The following LRRC4C variants were observed in gnomAD, a reference collection of about 807,000 sequenced individuals.
LRRC4C encodes leucine-rich repeat-containing protein 4C.
A neutral mutation model predicts 33.6 loss-of-function variants in LRRC4C; 5 were observed. The ratio of observed to expected loss-of-function variants is 0.15; its 90% CI spans 0.08 to 0.31. LRRC4C has a LOEUF of 0.31. LRRC4C is among the 10% of genes least tolerant of loss of function. The probability of loss-of-function intolerance (pLI) is 1.00; values close to 1 mark genes in which losing one functional copy is unlikely to be tolerated. For synonymous variants in LRRC4C, 329 were observed against 302.0 expected, an observed-to-expected ratio of 1.09 and a Z score of -0.93; for missense variants, 560 against 796.7, an observed-to-expected ratio of 0.70 and a Z score of 3.58.
At chr11:41,089,851 A>C (rs185436260) in intron 1 of LRRC4C, among the ~76,000 whole-genome samples, 1 of 152,208 alleles carries the variant, frequency 6.6e-6, no homozygotes, top group Admixed American at 6.6e-5. Context: ...AGAAAAATAT[A>C]GATTTCTAAT....
chr11:41,101,158 C>A (rs1224273063), intron 1 of LRRC4C, among the ~76,000 whole-genome samples: 1 of 152,076 alleles, frequency 6.6e-6, no homozygotes, highest in East Asian at 1.9e-4. Flanking sequence ...CAAATAGGAT[C>A]TAATAAAACT....
intron 3 of LRRC4C, among the ~76,000 whole-genome samples, chr11:40,556,788 A>T (rs1301874305): frequency 6.6e-6 from 1 of 152,224 alleles, no homozygotes; most frequent in East Asian, 1.9e-4. Context: ...TACAAACTGC[A>T]AGAGATTAAA....
At chr11:41,321,553 T>C (rs760538375) in intron 1 of LRRC4C, among the ~76,000 whole-genome samples, 17 of 152,156 alleles carry the variant, frequency 1.1e-4, no homozygotes, top group Non-Finnish European at 2.1e-4. Context: ...GGGTATATAA[T>C]AATAATAATA....
chr11:40,403,960 A>T (rs1253956975), intron 3 of LRRC4C, among the ~76,000 whole-genome samples: 1 of 152,172 alleles, frequency 6.6e-6, no homozygotes, highest in African/African-American at 2.4e-5. Context: ...ATAATAGATT[A>T]TTTCAATAAT....
intron 2 of LRRC4C, among the ~76,000 whole-genome samples, chr11:40,721,775 C>CCTGTCTCTA (rs71461179): frequency 0.44 from 66,645 of 151,540 alleles, 15,489 homozygotes; most frequent in African/African-American, 0.56. Context: ...GTGGTGAAAC[C>CCTGTCTCTA]CTAAAAATAC....
chr11:40,327,141 T>C lies in LRRC4C; in HGVS notation c.-269-7420A>G, dbSNP rs1234303461. 2.6e-5 allele frequency among the ~76,000 whole-genome samples: 4 copies of C among 152,192 alleles called. No individual in the cohort carries two copies. The East Asian group carries it at 7.7e-4, about 29-fold the overall frequency. On this transcript the variant is annotated intron_variant, in intron 3 of 6. Transcript: ENST00000528697. ...ACGTTTGAGAGTTGAGGTGCATTCTTATCGCTAACTGGAGCCTCTCTCAAT... is the reference window on the plus strand; with the variant it reads ...ACGTTTGAGAGTTGAGGTGCATTCTCATCGCTAACTGGAGCCTCTCTCAAT...
intron 6 of LRRC4C, among the ~76,000 whole-genome samples, chr11:40,128,893 C>T (rs76013533): frequency 0.016 from 2,445 of 152,242 alleles, 34 homozygotes; most frequent in South Asian, 0.055. Context: ...TCCCTTTTGT[C>T]ATATTTAATA....
At chr11:40,942,691 G>A (rs1047276136) in intron 1 of LRRC4C, among the ~76,000 whole-genome samples, 1 of 152,136 alleles carries the variant, frequency 6.6e-6, no homozygotes, top group African/African-American at 2.4e-5. Context: ...ATTATTGAAG[G>A]AATTAATGCT....
At chr11:41,004,365 G>A (rs1453099270) in intron 1 of LRRC4C, among the ~76,000 whole-genome samples, 1 of 151,884 alleles carries the variant, frequency 6.6e-6, no homozygotes, top group Non-Finnish European at 1.5e-5. Context: ...TTTTTGGTTG[G>A]TAGGAAGTAC....
Position 41,101,318 on chromosome 11 carries a change from C to A in LRRC4C, c.-495-167595G>T, listed in dbSNP as rs147083070. Among the ~76,000 whole-genome samples, 1,326 of 151,672 alleles carry A rather than the reference C, an allele frequency of 8.7e-3. 9 individuals carry two copies. The highest frequency in any genetic ancestry group is 0.014 in the African/African-American group (568 of 41,432). On this transcript the variant is annotated intron_variant, in intron 1 of 6. Coordinates refer to ENST00000528697, the MANE Select transcript of LRRC4C (RefSeq NM_001258419.2). ...GAAGTTAAATTTACAAGAAAAAAAA[C>A]CATTTAAAAGTGGACAAAGAATATG...
chr11:40,989,869 GA>G (rs972715457), intron 1 of LRRC4C, among the ~76,000 whole-genome samples: 3 of 150,514 alleles, frequency 2.0e-5, no homozygotes, highest in Admixed American at 2.0e-4. Flanking sequence ...AAAATATTCA[GA>G]AAAAAATAAA....
At chr11:40,828,442 A>C (rs1035940223) in intron 2 of LRRC4C, among the ~76,000 whole-genome samples, 2 of 151,814 alleles carry the variant, frequency 1.3e-5, no homozygotes, top group African/African-American at 4.8e-5. Flanking sequence ...ACACATATTG[A>C]CATATTGTAG....
chr11:40,199,416 C>T (rs187415761), intron 5 of LRRC4C, among the ~76,000 whole-genome samples: 6 of 152,244 alleles, frequency 3.9e-5, no homozygotes, highest in African/African-American at 1.4e-4. Flanking sequence ...GGAGGGGTCC[C>T]AATTACATAA....
chr11:40,678,194 G>T (rs1440769399), intron 2 of LRRC4C, among the ~76,000 whole-genome samples: 1 of 151,652 alleles, frequency 6.6e-6, no homozygotes, highest in Non-Finnish European at 1.5e-5. Flanking sequence ...TGTTACAAAG[G>T]TATATCGTGT....
At chr11:40,687,502 G>A (rs1430523255) in intron 2 of LRRC4C, among the ~76,000 whole-genome samples, 1 of 151,954 alleles carries the variant, frequency 6.6e-6, no homozygotes, top group Non-Finnish European at 1.5e-5. Flanking sequence ...ATTCAGCGCA[G>A]TAATAAGTAA....
intron 1 of LRRC4C, among the ~76,000 whole-genome samples, chr11:41,064,222 T>C (rs889100981): frequency 3.3e-5 from 5 of 152,230 alleles, no homozygotes; most frequent in African/African-American, 7.2e-5. Context: ...TAGTTTAGTA[T>C]TGAATGACAA....
intron 1 of LRRC4C, among the ~76,000 whole-genome samples, chr11:41,185,011 C>T (rs560612465): frequency 1.3e-5 from 2 of 152,112 alleles, no homozygotes; most frequent in African/African-American, 4.8e-5. Flanking sequence ...GACTTATTCA[C>T]TATCATGCGA....
intron 4 of LRRC4C, among the ~76,000 whole-genome samples, chr11:40,244,737 T>C (rs1866195464): frequency 6.6e-6 from 1 of 152,098 alleles, no homozygotes; most frequent in South Asian, 2.1e-4. Flanking sequence ...GGGAAGGTTT[T>C]TTTTTTGGCC....
chr11:40,388,806 A>G (rs1949217440), intron 3 of LRRC4C, among the ~76,000 whole-genome samples: 1 of 152,178 alleles, frequency 6.6e-6, no homozygotes, highest in South Asian at 2.1e-4. Flanking sequence ...ATCAAGTCTC[A>G]TCTCTGTGTT....
Sources: allele counts gnomAD v4.1 joint callset (sites outside exome capture counted in the v4.1 genomes callset), GRCh38; gene constraint gnomAD v4.1.1; transcripts MANE v1.5; gene names NCBI Gene and HGNC (gene_info 2026-07-23, HGNC 2026-07-21).